Variants in FRMPD4 observed in about 807,000 individuals in gnomAD.
The protein encoded by FRMPD4 is FERM and PDZ domain containing 4.
In FRMPD4, 22 loss-of-function variants were observed where a neutral mutation model predicts 94.1. The observed-to-expected ratio is 0.23, with a 90% CI of 0.17 to 0.33. The LOEUF is 0.33. Ranked by LOEUF, FRMPD4 falls within the 10% of genes least tolerant of loss-of-function variation. The pLI is 1.00. For synonymous variants in FRMPD4, 631 were observed against 548.6 expected, an observed-to-expected ratio of 1.15 and a Z score of -2.10; for missense variants, 1,111 against 1,339.9, an observed-to-expected ratio of 0.83 and a Z score of 2.67.
intron 1 of FRMPD4, among the ~76,000 whole-genome samples, chrX:12,412,276 C>G (rs1472025483): frequency 1.8e-5 from 2 of 111,964 alleles, no homozygotes; most frequent in Non-Finnish European, 3.8e-5. Context: ...ACCACCTACC[C>G]CATTGCCCAT....
At chrX:12,717,465 A>G (rs759555237) in intron 15 of FRMPD4, 36 bp from the exon 16 acceptor site, 1 of 933,741 alleles carries the variant, frequency 1.1e-6, no homozygotes, top group South Asian at 2.1e-5. Flanking sequence ...CCTCTGATGC[A>G]TCCATTAATC....
chrX:12,679,945 G>C (rs1309838984), intron 5 of FRMPD4, among the ~76,000 whole-genome samples: 1 of 111,910 alleles, frequency 8.9e-6, no homozygotes, highest in Admixed American at 9.5e-5. Context: ...TCTTAGGTCT[G>C]CATTTTGGAG....
At position 12,330,812 on chromosome X, in the gene FRMPD4, A is replaced by G. The variant is rs150183577; in HGVS notation, c.42-167868A>G. Among the ~76,000 whole-genome samples the G allele has an allele frequency of 4.8e-3, 530 of 111,281 alleles. 2 individuals are homozygous for G. Among genetic ancestry groups the G allele is most frequent in the African/African-American group, 0.016 (489 of 30,536 alleles). ...ATCCCCCTCATTCTGCCCAAGGTAT[A>G]CCCTCTTGCTACCTGTATTCACCCT... On this transcript the variant is annotated intron_variant, in intron 1 of 16. Coordinates refer to ENST00000675598, the MANE Select transcript of FRMPD4 (RefSeq NM_001368397.1).
chrX:12,017,639 C>A (rs1315095730), intron 3 of FRMPD4, among the ~76,000 whole-genome samples: 2 of 111,730 alleles, frequency 1.8e-5, no homozygotes, highest in Non-Finnish European at 3.8e-5. Flanking sequence ...TGTAATTTGT[C>A]TCCTATTGTA....
At chrX:11,854,450 A>T (rs775634604) in intron 1 of FRMPD4, among the ~76,000 whole-genome samples, 1 of 112,073 alleles carries the variant, frequency 8.9e-6, no homozygotes, top group Non-Finnish European at 1.9e-5. Flanking sequence ...CCAAAGTCTC[A>T]TCTGAGACAA....
At chrX:11,899,264 G>C (rs1390644488) in intron 3 of FRMPD4, among the ~76,000 whole-genome samples, 1 of 111,355 alleles carries the variant, frequency 9.0e-6, no homozygotes, top group Non-Finnish European at 1.9e-5. Context: ...ATAGCAAGAG[G>C]AATGTTGCAG....
At chrX:12,054,492 C>T (rs2054842290) in intron 3 of FRMPD4, among the ~76,000 whole-genome samples, 1 of 111,036 alleles carries the variant, frequency 9.0e-6, no homozygotes, top group Non-Finnish European at 1.9e-5. Flanking sequence ...ATATGAACAC[C>T]CCTGACCCCC....
intron 1 of FRMPD4, among the ~76,000 whole-genome samples, chrX:11,847,147 A>T (rs1202969800): frequency 9.0e-6 from 1 of 111,651 alleles, no homozygotes; most frequent in Non-Finnish European, 1.9e-5. Flanking sequence ...CAAAGGGCTA[A>T]TATCCAGAAT....
intron 1 of FRMPD4, among the ~76,000 whole-genome samples, chrX:12,329,659 A>G (rs938700879): frequency 9.1e-6 from 1 of 110,487 alleles, no homozygotes; most frequent in Non-Finnish European, 1.9e-5. Flanking sequence ...GTTTCAGCAC[A>G]TAGGGCCAGG....
chrX:12,262,783 T>C (rs767913435), intron 1 of FRMPD4, among the ~76,000 whole-genome samples: 1 of 111,633 alleles, frequency 9.0e-6, no homozygotes, highest in African/African-American at 3.3e-5. Context: ...AAGGAGATAG[T>C]TGTCTCTTCC....
chrX:11,927,406 T>A (rs1303206825), intron 3 of FRMPD4, among the ~76,000 whole-genome samples: 1 of 111,842 alleles, frequency 8.9e-6, no homozygotes, highest in Non-Finnish European at 1.9e-5. Context: ...ATTTTAAAAT[T>A]CATGTGGAAC....
In FRMPD4 at chrX:12,450,135, A is replaced by C. The variant is rs780548538; in HGVS notation, c.42-48545A>C. 3.6e-5 allele frequency among the ~76,000 whole-genome samples: 4 copies of C among 111,801 alleles called. No individual in the cohort carries two copies. The South Asian group carries it at 1.5e-3, about 42-fold the overall frequency. The stretch of plus-strand genomic sequence containing the variant: ...TAAAAGCCAAAGGAATGATTAAAAA[A>C]AAATAGAAACAAAAGCTACAAAATT... On this transcript the variant is annotated intron_variant, in intron 1 of 16. Coordinates refer to ENST00000675598, the MANE Select transcript of FRMPD4 (RefSeq NM_001368397.1).
chrX:11,954,883 G>A (rs765644446), intron 3 of FRMPD4, among the ~76,000 whole-genome samples: 1 of 110,461 alleles, frequency 9.1e-6, no homozygotes, highest in Admixed American at 9.6e-5. Context: ...TATTATCAGG[G>A]ATGAGTCTAA....
At chrX:12,389,202 G>A (rs113241203) in intron 1 of FRMPD4, among the ~76,000 whole-genome samples, 1,411 of 109,767 alleles carry the variant, frequency 0.013, 19 homozygotes, top group African/African-American at 0.039. Context: ...GGCTGGGCGC[G>A]GTGGATCACG....
At chrX:11,825,655 C>T (rs774691330) in intron 1 of FRMPD4, among the ~76,000 whole-genome samples, 11 of 110,763 alleles carry the variant, frequency 9.9e-5, no homozygotes, top group African/African-American at 2.0e-4. Flanking sequence ...CTATATATAC[C>T]GCACCCCCCC....
intron 1 of FRMPD4, among the ~76,000 whole-genome samples, chrX:12,162,712 A>G (rs888639363): frequency 8.9e-6 from 1 of 111,763 alleles, no homozygotes; most frequent in African/African-American, 3.3e-5. Context: ...AAATCAAGGA[A>G]GAACATCTGG....
chrX:11,969,493 A>G (rs1401265573), intron 3 of FRMPD4, among the ~76,000 whole-genome samples: 1 of 112,377 alleles, frequency 8.9e-6, no homozygotes, highest in Non-Finnish European at 1.9e-5. Flanking sequence ...AATGGAATAA[A>G]AGAATCATAT....
At chrX:12,348,465 G>A (rs968748347) in intron 1 of FRMPD4, among the ~76,000 whole-genome samples, 1 of 110,353 alleles carries the variant, frequency 9.1e-6, no homozygotes, top group Non-Finnish European at 1.9e-5. Context: ...AATTCCAACC[G>A]TGCCCAAAGG....
chrX:12,104,990 A>C (rs751067786), intron 3 of FRMPD4, among the ~76,000 whole-genome samples: 13 of 111,503 alleles, frequency 1.2e-4, no homozygotes, highest in Non-Finnish European at 2.1e-4. Context: ...AGGAGAAGTT[A>C]AAATCCTAGC....
Sources: gnomAD v4.1 joint callset for allele counts (sites outside exome capture counted in the v4.1 genomes callset) on GRCh38, gnomAD v4.1.1 for gene constraint, MANE v1.5 for transcripts, NCBI Gene and HGNC (gene_info 2026-07-23, HGNC 2026-07-21) for gene names.